Variants in PDLIM1 observed in about 807,000 individuals in gnomAD.
The protein encoded by PDLIM1 is PDZ and LIM domain 1.
In PDLIM1, 25 loss-of-function variants were observed where a neutral mutation model predicts 35.2. That is an observed-to-expected ratio of 0.71 (90% CI 0.52 to 0.99). The LOEUF (loss-of-function observed/expected upper bound fraction) is 0.99. Among genes scored for constraint, PDLIM1 ranks in the 50% least tolerant of loss-of-function variants. PDLIM1 has a pLI of 0.00. For synonymous variants in PDLIM1, 152 were observed against 154.0 expected (o/e 0.99, Z 0.10); for missense variants, 363 against 415.3 (o/e 0.87, Z 1.09).
At chr10:95,239,652 C>T (rs1341079336) in intron 5 of PDLIM1, among the ~76,000 whole-genome samples, 5 of 152,084 alleles carry the variant, frequency 3.3e-5, no homozygotes, top group Non-Finnish European at 7.4e-5. Flanking sequence ...AAAAATTAGC[C>T]AGGTGTGGTG....
intron 5 of PDLIM1, chr10:95,238,957 A>G: frequency 3.0e-6 from 1 of 333,640 alleles, no homozygotes; most frequent in Admixed American, 4.1e-5. Flanking sequence ...ATGCCACCCA[A>G]ATTCAAACTA....
intron 2 of PDLIM1, among the ~76,000 whole-genome samples, chr10:95,269,916 T>C (rs1170131354): frequency 3.3e-5 from 5 of 152,004 alleles, no homozygotes; most frequent in African/African-American, 4.8e-5. Context: ...TTTTGTGTTT[T>C]TGTAGAAACA....
intron 3 of PDLIM1, among the ~76,000 whole-genome samples, chr10:95,265,741 C>A (rs1370979196): frequency 1.0e-5 from 1 of 97,024 alleles, no homozygotes; most frequent in South Asian, 3.4e-4. Flanking sequence ...ATAGTAAGAC[C>A]CCATCCGTAA....
chr10:95,268,726 A>G, intron 3 of PDLIM1, 52 bp downstream of exon 3: 1 of 1,179,680 alleles, frequency 8.5e-7, no homozygotes, highest in Non-Finnish European at 1.3e-6. Flanking sequence ...AGTGTCAGAA[A>G]CGGCAAAGTG....
intron 1 of PDLIM1, among the ~76,000 whole-genome samples, chr10:95,282,839 GA>G (rs2035572275): frequency 6.6e-6 from 1 of 152,196 alleles, no homozygotes; most frequent in African/African-American, 2.4e-5. Context: ...AGCTACTTGG[GA>G]GGCTGAGGTG....
At chr10:95,255,600 C>G (rs1424604383) in intron 4 of PDLIM1, among the ~76,000 whole-genome samples, 1 of 152,032 alleles carries the variant, frequency 6.6e-6, no homozygotes, top group Non-Finnish European at 1.5e-5. Flanking sequence ...GATAAAAATA[C>G]TCAACAAAAC....
At chr10:95,287,613 T>C (rs1174714341) in intron 1 of PDLIM1, among the ~76,000 whole-genome samples, 3 of 152,066 alleles carry the variant, frequency 2.0e-5, no homozygotes, top group African/African-American at 7.2e-5. Flanking sequence ...GGTATTTCTC[T>C]GAAGGCTTCC....
intron 5 of PDLIM1, among the ~76,000 whole-genome samples, chr10:95,244,245 T>C (rs2035200730): frequency 1.3e-5 from 2 of 152,190 alleles, no homozygotes. Context: ...TTACCCAAAA[T>C]GAGACAGCTT....
rs575671504 is a variant in PDLIM1, at chr10:95,265,343, C to G, written c.334-1280G>C. ...AGCGTGGTGGCTCACGCCTGTAATCCCAGCACTTTGGGAGGCCGAGGCGGG... is the reference window on the plus strand; with the variant it reads ...AGCGTGGTGGCTCACGCCTGTAATCGCAGCACTTTGGGAGGCCGAGGCGGG... On this transcript the variant is annotated intron_variant, in intron 3 of 6. Coordinates refer to ENST00000329399, the MANE Select transcript of PDLIM1 (RefSeq NM_020992.4). 2.0e-5 allele frequency among the ~76,000 whole-genome samples: 3 copies of G among 152,190 alleles called. No individual in the cohort carries two copies. The South Asian group carries it at 6.2e-4, about 32-fold the overall frequency.
chr10:95,278,786 TGC>T (rs1353270674), intron 1 of PDLIM1, among the ~76,000 whole-genome samples: 3 of 152,206 alleles, frequency 2.0e-5, no homozygotes, highest in Non-Finnish European at 4.4e-5. Flanking sequence ...GCCTTAGCTC[TGC>T]TGAGATTAAG....
chr10:95,284,722 C>A (rs946658731), intron 1 of PDLIM1, among the ~76,000 whole-genome samples: 1 of 152,176 alleles, frequency 6.6e-6, no homozygotes, highest in Non-Finnish European at 1.5e-5. Flanking sequence ...TTACTTGATA[C>A]GAATGGTCGT....
chr10:95,274,577 G>A (rs2035495852), intron 1 of PDLIM1, among the ~76,000 whole-genome samples: 1 of 151,688 alleles, frequency 6.6e-6, no homozygotes, highest in Non-Finnish European at 1.5e-5. Context: ...GATTACAGGC[G>A]TGAGCCACCA....
intron 3 of PDLIM1, among the ~76,000 whole-genome samples, chr10:95,266,804 T>C (rs1392853710): frequency 1.3e-5 from 2 of 152,246 alleles, no homozygotes; most frequent in East Asian, 3.8e-4. Context: ...TACCCTCATC[T>C]GAATACTGAC....
At chr10:95,277,534 T>C (rs532814261) in intron 1 of PDLIM1, among the ~76,000 whole-genome samples, 216 of 152,200 alleles carry the variant, frequency 1.4e-3, no homozygotes, top group Middle Eastern at 3.4e-3. Flanking sequence ...TCCCAATTAC[T>C]CAGGGGGCTG....
At chr10:95,269,500 A>G (rs1243925926) in intron 2 of PDLIM1, among the ~76,000 whole-genome samples, 8 of 148,212 alleles carry the variant, frequency 5.4e-5, no homozygotes, top group African/African-American at 2.0e-4. Flanking sequence ...TAAACCCAGG[A>G]GGCAGAGGTT....
intron 2 of PDLIM1, among the ~76,000 whole-genome samples, chr10:95,269,809 C>T (rs1335570668): frequency 6.6e-6 from 1 of 152,022 alleles, no homozygotes; most frequent in Admixed American, 6.6e-5. Context: ...GATCTTGGCT[C>T]ACTGCAACCT....
intron 4 of PDLIM1, among the ~76,000 whole-genome samples, chr10:95,256,998 G>GAAAAGAAAAGA (rs368066745): frequency 8.8e-6 from 1 of 113,938 alleles, no homozygotes; most frequent in African/African-American, 2.9e-5. Flanking sequence ...AAGAAAGAAA[G>GAAAAGAAAAGA]AAAGAAAGAA....
chr10:95,289,327 A>G (rs1383532889), intron 1 of PDLIM1, among the ~76,000 whole-genome samples: 3 of 152,214 alleles, frequency 2.0e-5, no homozygotes, highest in Non-Finnish European at 4.4e-5. Context: ...GTCTGCTACC[A>G]GGCTCGGGGA....
intron 4 of PDLIM1, among the ~76,000 whole-genome samples, chr10:95,253,969 T>C (rs1489046965): frequency 1.3e-5 from 2 of 152,034 alleles, no homozygotes; most frequent in Non-Finnish European, 2.9e-5. Context: ...AGATAACTAC[T>C]GAAAAGGTTA....
Sources: gnomAD v4.1 joint callset for allele counts (sites outside exome capture counted in the v4.1 genomes callset) on GRCh38, gnomAD v4.1.1 for gene constraint, MANE v1.5 for transcripts, NCBI Gene and HGNC (gene_info 2026-07-23, HGNC 2026-07-21) for gene names.